The following RIMS1 variants were observed in gnomAD, a reference collection of about 807,000 sequenced individuals.
RIMS1 encodes regulating synaptic membrane exocytosis 1.
In RIMS1, 83 loss-of-function variants were observed where a neutral mutation model predicts 214.1. The ratio of observed to expected loss-of-function variants is 0.39; its 90% CI spans 0.32 to 0.47. The LOEUF (loss-of-function observed/expected upper bound fraction) is 0.47, where lower values mean the gene tolerates loss of function less well. Among genes scored for constraint, RIMS1 ranks in the 20% least tolerant of loss-of-function variants. RIMS1 has a pLI of 0.99. For missense variants in RIMS1, 2,050 were observed against 2,161.8 expected (o/e 0.95, Z 1.03); for synonymous variants, 793 against 786.8 (o/e 1.01, Z -0.13).
intron 2 of RIMS1, among the ~76,000 whole-genome samples, chr6:71,996,126 T>C (rs915688179): frequency 6.6e-5 from 10 of 152,324 alleles, no homozygotes; most frequent in South Asian, 2.1e-4. Flanking sequence ...AGGCATCATT[T>C]AACCATAATT....
intron 2 of RIMS1, among the ~76,000 whole-genome samples, chr6:71,971,897 T>TA (rs975592367): frequency 6.6e-6 from 1 of 152,172 alleles, no homozygotes; most frequent in Non-Finnish European, 1.5e-5. Flanking sequence ...ACCCAAACCA[T>TA]ATCAGATGGA....
intron 2 of RIMS1, among the ~76,000 whole-genome samples, chr6:71,985,605 G>T (rs1799710320): frequency 6.6e-6 from 1 of 152,036 alleles, no homozygotes; most frequent in African/African-American, 2.4e-5. Context: ...AATATGTCTT[G>T]GGTGGGAGTA....
chr6:72,340,980 C>G (rs538945913), intron 29 of RIMS1, among the ~76,000 whole-genome samples: 1 of 151,928 alleles, frequency 6.6e-6, no homozygotes, highest in Non-Finnish European at 1.5e-5. Flanking sequence ...TTGTAGTTCT[C>G]CTTGAAGAGG....
chr6:72,152,405 G>A (rs193137778), intron 4 of RIMS1, among the ~76,000 whole-genome samples: 1 of 152,250 alleles, frequency 6.6e-6, no homozygotes, highest in Non-Finnish European at 1.5e-5. Context: ...AAGTGACAGA[G>A]GTGACTCTTA....
At chr6:72,113,342 G>T (rs2036467740) in intron 4 of RIMS1, among the ~76,000 whole-genome samples, 1 of 152,052 alleles carries the variant, frequency 6.6e-6, no homozygotes, top group South Asian at 2.1e-4. Context: ...GTTTCTACTT[G>T]ATTAATGATT....
intron 4 of RIMS1, among the ~76,000 whole-genome samples, chr6:72,126,010 T>C (rs1271101998): frequency 1.3e-5 from 2 of 152,148 alleles, no homozygotes; most frequent in East Asian, 3.9e-4. Context: ...GTCCAACCAT[T>C]CCCAGTGAGA....
chr6:72,371,411 T>C (rs1564618332), intron 29 of RIMS1, among the ~76,000 whole-genome samples: 1 of 152,236 alleles, frequency 6.6e-6, no homozygotes, highest in East Asian at 1.9e-4. Flanking sequence ...AAGCAAACTG[T>C]CATCCTGTTT....
chr6:72,019,846 C>T (rs1013432930), intron 2 of RIMS1, among the ~76,000 whole-genome samples: 3 of 152,134 alleles, frequency 2.0e-5, no homozygotes, highest in African/African-American at 7.2e-5. Flanking sequence ...CCCACATAGG[C>T]ATGTGAATTT....
chr6:72,021,635 A>T (rs999503376), intron 2 of RIMS1, among the ~76,000 whole-genome samples: 2 of 152,172 alleles, frequency 1.3e-5, no homozygotes, highest in African/African-American at 4.8e-5. Flanking sequence ...ATAACAACAG[A>T]ATACCCCAAA....
intron 4 of RIMS1, chr6:72,126,772 A>G: frequency 8.0e-6 from 2 of 249,394 alleles, no homozygotes; most frequent in East Asian, 1.0e-4. Flanking sequence ...AAAAAAAAAA[A>G]AAAAAAAAAA....
intron 6 of RIMS1, among the ~76,000 whole-genome samples, chr6:72,194,492 T>TA (rs954507428): frequency 1.3e-5 from 2 of 151,670 alleles, no homozygotes; most frequent in Non-Finnish European, 2.9e-5. Flanking sequence ...TTACTGAGGT[T>TA]AAAAAAAATA....
intron 4 of RIMS1, among the ~76,000 whole-genome samples, chr6:72,141,783 A>G (rs2042108140): frequency 6.6e-6 from 1 of 152,022 alleles, no homozygotes. Flanking sequence ...GAATTTCATG[A>G]TAAGTCACTA....
chr6:72,098,758 A>G (rs1727835705), intron 3 of RIMS1, among the ~76,000 whole-genome samples: 1 of 152,190 alleles, frequency 6.6e-6, no homozygotes, highest in African/African-American at 2.4e-5. Flanking sequence ...CTAGGTCTTT[A>G]TGATATGTAT....
chr6:72,087,490 G>A (rs1378942298), intron 2 of RIMS1, among the ~76,000 whole-genome samples: 1 of 152,210 alleles, frequency 6.6e-6, no homozygotes, highest in Non-Finnish European at 1.5e-5. Flanking sequence ...TGGTGGAGAA[G>A]GACTCTCAGA....
At chr6:72,155,736 A>G (rs1014000701) in intron 4 of RIMS1, among the ~76,000 whole-genome samples, 1 of 140,414 alleles carries the variant, frequency 7.1e-6, no homozygotes, top group African/African-American at 2.5e-5. Flanking sequence ...ACAGTTCAGG[A>G]AAGACCTGAC....
rs2098833316 is a variant in RIMS1, at chr6:72,401,213, T to G, written c.*499T>G. On this transcript the variant is annotated 3_prime_UTR_variant, in exon 34 of 34. Coordinates refer to ENST00000521978, the MANE Select transcript of RIMS1 (RefSeq NM_014989.7). ...TGTTTTGTTTTCACCACATCTGTTA[T>G]TTCCACTAGTTTTTTTTTGGCTGTG... 1 of 153,888 alleles carries G rather than the reference T, an allele frequency of 6.5e-6. No homozygotes were observed. The highest frequency in any genetic ancestry group is 2.4e-5 in the African/African-American group (1 of 41,458). The allele number at this position is 153,888 out of a possible 1,614,324, so 9.5% of individuals were successfully genotyped here.
chr6:72,109,792 A>G (rs1262435564), intron 4 of RIMS1, among the ~76,000 whole-genome samples: 1 of 152,126 alleles, frequency 6.6e-6, no homozygotes, highest in East Asian at 1.9e-4. Flanking sequence ...TGTGTCCTGA[A>G]TGGTAATGCC....
At chr6:72,084,700 T>G (rs189037769) in intron 2 of RIMS1, among the ~76,000 whole-genome samples, 12 of 152,134 alleles carry the variant, frequency 7.9e-5, no homozygotes, top group Non-Finnish European at 1.3e-4. Flanking sequence ...CCTCCTATGG[T>G]AAATTGAAAA....
intron 4 of RIMS1, among the ~76,000 whole-genome samples, chr6:72,158,568 C>A (rs2044781922): frequency 8.9e-6 from 1 of 112,814 alleles, no homozygotes; most frequent in Non-Finnish European, 2.0e-5. Context: ...CCTCCCCCCA[C>A]CCCACAACAG....
Sources: gnomAD v4.1 joint callset for allele counts (sites outside exome capture counted in the v4.1 genomes callset) on GRCh38, gnomAD v4.1.1 for gene constraint, MANE v1.5 for transcripts, NCBI Gene and HGNC (gene_info 2026-07-23, HGNC 2026-07-21) for gene names.